Variants in OSBPL6 observed in about 807,000 individuals in gnomAD.
The protein encoded by OSBPL6 is oxysterol-binding protein-related protein 6.
In OSBPL6, 49 loss-of-function variants were observed where a neutral mutation model predicts 125.8. The observed-to-expected ratio is 0.39, with a 90% confidence interval of 0.31 to 0.49. OSBPL6 has a LOEUF of 0.49. OSBPL6 is among the 20% of genes least tolerant of loss of function. The probability of loss-of-function intolerance (pLI) is 0.88; values close to 1 mark genes in which losing one functional copy is unlikely to be tolerated. For synonymous variants in OSBPL6, 394 were observed against 391.8 expected (o/e 1.01, Z -0.07); for missense variants, 986 against 1,135.4 (o/e 0.87, Z 1.89).
At chr2:178,299,219 C>G (rs1328749169) in intron 2 of OSBPL6, among the ~76,000 whole-genome samples, 2 of 152,212 alleles carry the variant, frequency 1.3e-5, no homozygotes, top group African/African-American at 4.8e-5. Flanking sequence ...GAAATGATCA[C>G]TTACTATGCA....
chr2:178,360,929 A>G (rs1226855278), intron 12 of OSBPL6, among the ~76,000 whole-genome samples: 1 of 152,226 alleles, frequency 6.6e-6, no homozygotes, highest in African/African-American at 2.4e-5. Context: ...ATTTTAGAAT[A>G]CTTTGCATAT....
At chr2:178,307,790 A>G (rs1371543758) in intron 3 of OSBPL6, among the ~76,000 whole-genome samples, 6 of 152,124 alleles carry the variant, frequency 3.9e-5, no homozygotes, top group African/African-American at 9.7e-5. Flanking sequence ...AGAAGGAAGC[A>G]GTTGACCCGG....
At chr2:178,354,692 A>G (rs1460236920) in intron 12 of OSBPL6, among the ~76,000 whole-genome samples, 2 of 152,204 alleles carry the variant, frequency 1.3e-5, no homozygotes, top group Non-Finnish European at 2.9e-5. Context: ...ACAGAAGGTT[A>G]ACAAGGATAT....
rs1690821220 is a variant in OSBPL6 at position 178,347,374 on chromosome 2, A to G, written c.988-1850A>G. 2.0e-5 allele frequency among the ~76,000 whole-genome samples: 3 copies of G among 152,100 alleles called. No homozygotes were observed. The South Asian group carries it at 6.2e-4, about 32-fold the overall frequency. On this transcript the variant is annotated intron_variant, in intron 11 of 24. Coordinates refer to ENST00000190611, the MANE Select transcript of OSBPL6 (RefSeq NM_032523.4). ...TTTTAATGTTGTTCTAGTTCCTTATATCAGAAAACTGTACCATTAATTCTG... is the reference window on the plus strand; with the variant it reads ...TTTTAATGTTGTTCTAGTTCCTTATGTCAGAAAACTGTACCATTAATTCTG...
chr2:178,385,295 T>C (rs1694846302), intron 18 of OSBPL6, among the ~76,000 whole-genome samples, 163 bp from the exon 19 acceptor site: 1 of 152,224 alleles, frequency 6.6e-6, no homozygotes, highest in African/African-American at 2.4e-5. Context: ...ACTTCACTTA[T>C]GGGCATTATT....
chr2:178,365,887 T>C (rs966213082), intron 13 of OSBPL6, among the ~76,000 whole-genome samples: 1 of 152,012 alleles, frequency 6.6e-6, no homozygotes, highest in African/African-American at 2.4e-5. Context: ...TTTCATATCT[T>C]TTTTTGTTTG....
chr2:178,240,815 A>G (rs2153989478), intron 1 of OSBPL6, among the ~76,000 whole-genome samples: 1 of 152,306 alleles, frequency 6.6e-6, no homozygotes, highest in African/African-American at 2.4e-5. Flanking sequence ...GTTAATGTTA[A>G]TAATTAATAA....
intron 21 of OSBPL6, among the ~76,000 whole-genome samples, chr2:178,389,693 G>A (rs112457998): frequency 1.3e-5 from 2 of 152,090 alleles, no homozygotes; most frequent in Admixed American, 6.5e-5. Flanking sequence ...GGATAGAAAC[G>A]CCCAAAAAGC....
chr2:178,332,531 A>G, intron 6 of OSBPL6, 110 bp from the exon 7 acceptor site: 1 of 775,390 alleles, frequency 1.3e-6, no homozygotes, highest in Admixed American at 2.3e-5. Context: ...TATATGTAGT[A>G]TTCCACTTCC....
intron 4 of OSBPL6, among the ~76,000 whole-genome samples, chr2:178,324,991 C>T (rs1688571262): frequency 6.6e-6 from 1 of 152,190 alleles, no homozygotes; most frequent in Non-Finnish European, 1.5e-5. Flanking sequence ...CGTGAGAGAA[C>T]ACTGCAGATT....
At chr2:178,320,533 A>G (rs1012819823) in intron 3 of OSBPL6, 1 of 914,096 alleles carries the variant, frequency 1.1e-6, no homozygotes. Flanking sequence ...ATAACCCTTT[A>G]TTTAACTTGC....
intron 1 of OSBPL6, chr2:178,230,451 G>A (rs2090769324): frequency 6.6e-6 from 1 of 152,174 alleles, no homozygotes; most frequent in Non-Finnish European, 1.5e-5. Context: ...GGCATACTGG[G>A]TTCCTCGGAA....
intron 11 of OSBPL6, among the ~76,000 whole-genome samples, 194 bp from the exon 12 acceptor site, chr2:178,349,030 C>G (rs2154089684): frequency 6.6e-6 from 1 of 152,244 alleles, no homozygotes; most frequent in Middle Eastern, 3.4e-3. Context: ...TGTGGCAGTT[C>G]TAAATCAACA....
At chr2:178,303,368 A>G (rs189998507) in intron 2 of OSBPL6, among the ~76,000 whole-genome samples, 1 of 152,156 alleles carries the variant, frequency 6.6e-6, no homozygotes, top group Non-Finnish European at 1.5e-5. Context: ...CAGTTTTCAC[A>G]GTTTACAAAA....
At chr2:178,382,705 A>C (rs1694596394) in intron 16 of OSBPL6, 198 bp downstream of exon 16, 3 of 1,450,212 alleles carry the variant, frequency 2.1e-6, no homozygotes, top group Admixed American at 3.0e-5. Context: ...GTAAATAGTT[A>C]AGAGAAAACG....
chr2:178,280,998 A>G (rs1038765472), intron 1 of OSBPL6, among the ~76,000 whole-genome samples: 3 of 145,168 alleles, frequency 2.1e-5, no homozygotes, highest in African/African-American at 7.6e-5. Flanking sequence ...CTTTTGTTGC[A>G]ATTGCTTTTG....
At chr2:178,299,309 T>G (rs946321460) in intron 2 of OSBPL6, among the ~76,000 whole-genome samples, 4 of 152,242 alleles carry the variant, frequency 2.6e-5, no homozygotes, top group Non-Finnish European at 5.9e-5. Flanking sequence ...ACTGATATTT[T>G]TAAGATCCTT....
chr2:178,392,561 A>G, intron 23 of OSBPL6, 23 bp downstream of exon 23: 1 of 1,612,696 alleles, frequency 6.2e-7, no homozygotes, highest in South Asian at 1.1e-5. Context: ...GTGGTATTTA[A>G]TATGCAGACT....
chr2:178,278,178 T>C (rs1272710159), intron 1 of OSBPL6, among the ~76,000 whole-genome samples: 3 of 152,216 alleles, frequency 2.0e-5, no homozygotes, highest in East Asian at 1.9e-4. Flanking sequence ...GCCTCCTCTT[T>C]TGAGGAACTT....
Sources: allele counts gnomAD v4.1 joint callset (sites outside exome capture counted in the v4.1 genomes callset), GRCh38; gene constraint gnomAD v4.1.1; transcripts MANE v1.5; gene names NCBI Gene and HGNC (gene_info 2026-07-23, HGNC 2026-07-21).